Variants in SAMMSON observed in about 807,000 individuals in gnomAD.
SAMMSON encodes the protein long intergenic non-protein coding RNA 1212.
chr3:70,235,130 G>A (rs1701594878), intron 4 of SAMMSON, among the ~76,000 whole-genome samples: 1 of 152,102 alleles, frequency 6.6e-6, no homozygotes, highest in Non-Finnish European at 1.5e-5. Flanking sequence ...AGAAGAAGGG[G>A]CCCTCTGTCT....
At chr3:70,311,567 A>G (rs1380331123) in intron 7 of SAMMSON, among the ~76,000 whole-genome samples, 2 of 152,204 alleles carry the variant, frequency 1.3e-5, no homozygotes, top group East Asian at 1.9e-4. Context: ...CTTCTTGGCT[A>G]TAAAGGAGAA....
At chr3:70,271,651 A>G (rs1049405437) in intron 6 of SAMMSON, 1 of 152,204 alleles carries the variant, frequency 6.6e-6, no homozygotes, top group African/African-American at 2.4e-5. Flanking sequence ...GACTCATCTA[A>G]GAAGGTCTCT....
intron 4 of SAMMSON, among the ~76,000 whole-genome samples, chr3:70,154,810 A>G (rs1430933071): frequency 6.6e-6 from 1 of 152,024 alleles, no homozygotes; most frequent in Non-Finnish European, 1.5e-5. Flanking sequence ...AGGCCATGCT[A>G]CTTTTGTTGA....
chr3:70,411,979 C>T (rs898706984), intron 2 of SAMMSON, among the ~76,000 whole-genome samples: 3 of 152,068 alleles, frequency 2.0e-5, no homozygotes, highest in Non-Finnish European at 4.4e-5. Flanking sequence ...AAACATGTAA[C>T]AAAAACTACT....
intron 7 of SAMMSON, among the ~76,000 whole-genome samples, chr3:70,314,115 T>A (rs1417820945): frequency 6.6e-6 from 1 of 152,080 alleles, no homozygotes; most frequent in Non-Finnish European, 1.5e-5. Flanking sequence ...ATATGATCAG[T>A]CTCCATTCTA....
At chr3:70,124,360 G>GC (rs1252733225) in intron 4 of SAMMSON, among the ~76,000 whole-genome samples, 1 of 152,168 alleles carries the variant, frequency 6.6e-6, no homozygotes, top group Non-Finnish European at 1.5e-5. Flanking sequence ...CTAATCACAG[G>GC]CTTTTTATCA....
At chr3:70,164,367 G>A (rs1040348166) in intron 4 of SAMMSON, among the ~76,000 whole-genome samples, 2 of 151,858 alleles carry the variant, frequency 1.3e-5, no homozygotes, top group African/African-American at 4.8e-5. Context: ...AATTAATAAT[G>A]GCTATCATCC....
intron 4 of SAMMSON, among the ~76,000 whole-genome samples, chr3:70,079,606 A>G (rs1559786839): frequency 6.6e-6 from 1 of 152,196 alleles, no homozygotes; most frequent in Non-Finnish European, 1.5e-5. Context: ...TTTGCGTTAG[A>G]TAATTTTGCC....
chr3:70,202,829 A>G (rs1331728483), intron 4 of SAMMSON, among the ~76,000 whole-genome samples: 1 of 152,116 alleles, frequency 6.6e-6, no homozygotes, highest in Non-Finnish European at 1.5e-5. Context: ...ACAACTGGGG[A>G]CTGGCTAATT....
chr3:70,023,924 C>T (rs963615709), intron 3 of SAMMSON, among the ~76,000 whole-genome samples: 10 of 152,308 alleles, frequency 6.6e-5, no homozygotes, highest in African/African-American at 2.4e-4. Flanking sequence ...TCATATTGAG[C>T]TTTCCTCCCA....
At chr3:70,424,322 G>A (rs1328174810) in intron 2 of SAMMSON, among the ~76,000 whole-genome samples, 2 of 152,058 alleles carry the variant, frequency 1.3e-5, no homozygotes, top group Non-Finnish European at 2.9e-5. Context: ...GTTATAACAT[G>A]CAGATCAGAG....
intron 9 of SAMMSON, among the ~76,000 whole-genome samples, chr3:70,374,398 T>C (rs961486837): frequency 2.0e-5 from 3 of 152,174 alleles, no homozygotes; most frequent in African/African-American, 4.8e-5. Flanking sequence ...TAAACCTTCT[T>C]TTTAAGCTAT....
chr3:70,095,212 T>C (rs1035231109), intron 4 of SAMMSON, among the ~76,000 whole-genome samples: 3 of 152,172 alleles, frequency 2.0e-5, no homozygotes, highest in Admixed American at 6.5e-5. Context: ...TCCAGGTTTC[T>C]GAAAAACCAC....
chr3:70,251,762 C>T (rs1701771175), intron 6 of SAMMSON, among the ~76,000 whole-genome samples: 1 of 152,174 alleles, frequency 6.6e-6, no homozygotes, highest in Non-Finnish European at 1.5e-5. Flanking sequence ...GATGAGGAAC[C>T]TGTAGAACGG....
intron 4 of SAMMSON, among the ~76,000 whole-genome samples, chr3:70,225,917 C>G (rs1278540623): frequency 2.0e-5 from 3 of 152,120 alleles, no homozygotes; most frequent in Non-Finnish European, 2.9e-5. Flanking sequence ...AATCTTTGTT[C>G]CCTCGCCATC....
At chr3:70,258,794 C>T (rs1040116799) in intron 6 of SAMMSON, among the ~76,000 whole-genome samples, 2 of 151,896 alleles carry the variant, frequency 1.3e-5, no homozygotes, top group African/African-American at 2.4e-5. Context: ...TGTTATTTAG[C>T]CAATAAAATA....
chr3:70,366,834 A>T (rs917955763), intron 9 of SAMMSON, among the ~76,000 whole-genome samples: 6 of 151,650 alleles, frequency 4.0e-5, no homozygotes, highest in Non-Finnish European at 8.9e-5. Flanking sequence ...CTTTTCAGGA[A>T]TTGTGCTCCT....
chr3:70,222,013 T>C (rs1022319452), intron 4 of SAMMSON, among the ~76,000 whole-genome samples: 1 of 152,158 alleles, frequency 6.6e-6, no homozygotes, highest in Non-Finnish European at 1.5e-5. Context: ...AAGTGTTCCA[T>C]AGGCGAGTGC....
intron 6 of SAMMSON, among the ~76,000 whole-genome samples, chr3:70,264,533 G>C (rs1010380653): frequency 3.9e-5 from 6 of 152,180 alleles, no homozygotes; most frequent in Non-Finnish European, 7.3e-5. Flanking sequence ...GAATTTATTG[G>C]TGAGCATGGA....
Sources: gnomAD v4.1 joint callset for allele counts (sites outside exome capture counted in the v4.1 genomes callset) on GRCh38, gnomAD v4.1.1 for gene constraint, MANE v1.5 for transcripts, NCBI Gene and HGNC (gene_info 2026-07-23, HGNC 2026-07-21) for gene names.